SNTB1: variants seen among roughly 807,000 people sequenced by gnomAD.
SNTB1 encodes syntrophin beta 1, also known as beta-1-syntrophin.
A neutral mutation model predicts 48.9 loss-of-function variants in SNTB1; 36 were observed. The ratio of observed to expected loss-of-function variants is 0.74; its 90% CI spans 0.56 to 0.97. The LOEUF (loss-of-function observed/expected upper bound fraction) is 0.97, where lower values mean the gene tolerates loss of function less well. Among genes scored for constraint, SNTB1 ranks in the 50% least tolerant of loss-of-function variants. SNTB1 has a pLI of 0.00. For missense variants in SNTB1, 786 were observed against 703.4 expected (o/e 1.12, Z -1.33); for synonymous variants, 299 against 294.6 (o/e 1.01, Z -0.15).
At position 120,811,595 on chromosome 8, in the gene SNTB1, C is replaced by A; in HGVS notation, c.249G>T (p.Gln83His). 6.4e-7 allele frequency: 1 copy of A among 1,568,128 alleles called. No homozygotes were observed. The highest frequency in any genetic ancestry group is 8.6e-7 in the Non-Finnish European group (1 of 1,160,022). Residue 83 changes from glutamine to histidine, a missense_variant, in exon 1 of 7, where the codon CAG becomes CAT. Transcript: ENST00000517992. ...GAGHPGAGGA[Q>H]PPDSPAGVRT... is the part of the protein sequence containing the mutation. ...GGACCCCGGCGGGCGAGTCCGGGGG[C>A]TGCGCGCCGCCCGCGCCCGGGTGCC...
chr8:120,695,853 A>G (rs1587095820), intron 1 of SNTB1, among the ~76,000 whole-genome samples: 1 of 152,312 alleles, frequency 6.6e-6, no homozygotes, highest in East Asian at 1.9e-4. Flanking sequence ...TTAGAAGAAA[A>G]GAGCTCCATG....
intron 4 of SNTB1, among the ~76,000 whole-genome samples, chr8:120,556,822 C>T (rs929003167): frequency 6.6e-6 from 1 of 152,236 alleles, no homozygotes; most frequent in African/African-American, 2.4e-5. Flanking sequence ...TACCAACTCC[C>T]AGCCAATAAA....
intron 3 of SNTB1, among the ~76,000 whole-genome samples, chr8:120,584,981 G>A (rs1816115536): frequency 6.6e-6 from 1 of 152,120 alleles, no homozygotes; most frequent in African/African-American, 2.4e-5. Context: ...TCTTCCTTAT[G>A]TCGTCAGAAG....
chr8:120,704,819 A>G (rs1365704000), intron 1 of SNTB1, among the ~76,000 whole-genome samples: 1 of 152,262 alleles, frequency 6.6e-6, no homozygotes, highest in Non-Finnish European at 1.5e-5. Context: ...GATGAAATAT[A>G]ATAGGGATAA....
chr8:120,661,058 A>AT (rs1817580419), intron 2 of SNTB1, among the ~76,000 whole-genome samples: 2 of 152,214 alleles, frequency 1.3e-5, no homozygotes, highest in Non-Finnish European at 2.9e-5. Flanking sequence ...CATAATAGAT[A>AT]CAAAATAATG....
At chr8:120,553,110 C>G (rs1815510252) in intron 4 of SNTB1, among the ~76,000 whole-genome samples, 1 of 152,156 alleles carries the variant, frequency 6.6e-6, no homozygotes, top group South Asian at 2.1e-4. Flanking sequence ...CCTAACAGGC[C>G]ACAGACCGCT....
intron 2 of SNTB1, chr8:120,635,752 C>T: frequency 4.9e-6 from 1 of 202,168 alleles, no homozygotes; most frequent in Non-Finnish European, 1.1e-5. Flanking sequence ...TTTCTCTGTC[C>T]CCTGTTAGTC....
intron 1 of SNTB1, among the ~76,000 whole-genome samples, chr8:120,708,182 A>T (rs532833625): frequency 3.0e-4 from 46 of 151,888 alleles, no homozygotes; most frequent in African/African-American, 1.0e-3. Flanking sequence ...GAAAACCTGG[A>T]GTGCACAAAT....
chr8:120,644,937 G>T (rs1382815379), intron 2 of SNTB1, among the ~76,000 whole-genome samples: 1 of 152,022 alleles, frequency 6.6e-6, no homozygotes, highest in Non-Finnish European at 1.5e-5. Context: ...TTTTTCATGT[G>T]TTTTTTGGCT....
chr8:120,661,653 A>T (rs1160031356), intron 2 of SNTB1, among the ~76,000 whole-genome samples: 6 of 151,906 alleles, frequency 3.9e-5, no homozygotes, highest in African/African-American at 1.5e-4. Context: ...CCCTTTCCCC[A>T]CAACGCCCCA....
At chr8:120,739,992 C>T (rs1399308054) in intron 1 of SNTB1, among the ~76,000 whole-genome samples, 1 of 152,128 alleles carries the variant, frequency 6.6e-6, no homozygotes, top group Admixed American at 6.6e-5. Flanking sequence ...CCTAGAGTAA[C>T]CTGTCTATAC....
chr8:120,596,829 G>A (rs1370421757), intron 3 of SNTB1, among the ~76,000 whole-genome samples: 2 of 152,174 alleles, frequency 1.3e-5, no homozygotes, highest in African/African-American at 2.4e-5. Context: ...GGGCTTATGT[G>A]ATGAGACTGG....
intron 4 of SNTB1, among the ~76,000 whole-genome samples, chr8:120,555,356 G>C (rs553376389): frequency 1.3e-5 from 2 of 152,276 alleles, no homozygotes; most frequent in South Asian, 4.1e-4. Flanking sequence ...GTCTGATTTA[G>C]GCAGGACTCA....
chr8:120,730,706 T>C (rs576718018), intron 1 of SNTB1, among the ~76,000 whole-genome samples: 3 of 152,194 alleles, frequency 2.0e-5, no homozygotes, highest in Non-Finnish European at 4.4e-5. Context: ...TTTTTGAACT[T>C]TAATCTCATC....
At chr8:120,540,024 C>T (rs1283492017) in intron 6 of SNTB1, among the ~76,000 whole-genome samples, 1 of 152,134 alleles carries the variant, frequency 6.6e-6, no homozygotes, top group East Asian at 1.9e-4. Context: ...GGCTTAACCA[C>T]AACATTCTAT....
chr8:120,626,990 T>G (rs1375148412), intron 3 of SNTB1, among the ~76,000 whole-genome samples: 1 of 152,214 alleles, frequency 6.6e-6, no homozygotes, highest in African/African-American at 2.4e-5. Flanking sequence ...ACTGCCTCTT[T>G]CTAGGATCCA....
At chr8:120,771,486 G>A (rs927760474) in intron 1 of SNTB1, among the ~76,000 whole-genome samples, 2 of 152,100 alleles carry the variant, frequency 1.3e-5, no homozygotes, top group Admixed American at 1.3e-4. Context: ...AAATTTCTTC[G>A]CTAAGAAAAC....
intron 1 of SNTB1, among the ~76,000 whole-genome samples, chr8:120,703,400 C>G (rs111356718): frequency 0.027 from 4,077 of 152,310 alleles, 171 homozygotes; most frequent in African/African-American, 0.091. Flanking sequence ...GCTGGGATTA[C>G]AGGCATGAGC....
At chr8:120,623,051 G>A (rs1422774244) in intron 3 of SNTB1, among the ~76,000 whole-genome samples, 1 of 152,198 alleles carries the variant, frequency 6.6e-6, no homozygotes, top group Non-Finnish European at 1.5e-5. Context: ...CTGAGCTTCA[G>A]TGGGATCAGG....
Sources: gnomAD v4.1 joint callset for allele counts (sites outside exome capture counted in the v4.1 genomes callset) on GRCh38, gnomAD v4.1.1 for gene constraint, MANE v1.5 for transcripts, NCBI Gene and HGNC (gene_info 2026-07-23, HGNC 2026-07-21) for gene names.